DCAF8L2: variants seen among roughly 807,000 people sequenced by gnomAD.
DCAF8L2 encodes DDB1 and CUL4 associated factor 8 like 2, also known as DDB1- and CUL4-associated factor 8-like protein 2.
For missense variants in DCAF8L2, 430 were observed against 490.7 expected (o/e 0.88, Z 1.17); for synonymous variants, 200 against 190.9 (o/e 1.05, Z -0.39).
intron 1 of DCAF8L2, among the ~76,000 whole-genome samples, chrX:27,616,494 A>T (rs1288063603): frequency 8.9e-6 from 1 of 111,832 alleles, no homozygotes; most frequent in Non-Finnish European, 1.9e-5. Flanking sequence ...CTCCAGTTAT[A>T]TTCAAAAAAG....
chrX:27,587,985 A>AAAAAAATATATATAT, upstream of DCAF8L2, among the ~76,000 whole-genome samples: 74 of 22,314 alleles, frequency 3.3e-3, no homozygotes, highest in African/African-American at 6.9e-3. Context: ...TAAAAAAAAA[A>AAAAAAATATATATAT]ATATATATAT....
At chrX:27,722,937 G>T (rs1284663720) in intron 4 of DCAF8L2, among the ~76,000 whole-genome samples, 1 of 110,601 alleles carries the variant, frequency 9.0e-6, no homozygotes, top group Admixed American at 9.7e-5. Flanking sequence ...AAGTTATTGG[G>T]TTATAAAATT....
chrX:27,671,677 A>G (rs1929958647), intron 2 of DCAF8L2, among the ~76,000 whole-genome samples: 1 of 111,934 alleles, frequency 8.9e-6, no homozygotes, highest in African/African-American at 3.2e-5. Context: ...GACAGAAGAA[A>G]TCCAAGACCC....
the DCAF8L2 span, among the ~76,000 whole-genome samples, chrX:27,559,200 G>A: frequency 1.8e-5 from 2 of 111,282 alleles, no homozygotes; most frequent in African/African-American, 6.5e-5. Flanking sequence ...GTTCTTTATA[G>A]CATTGCGAAA....
At chrX:27,539,757 T>C in the DCAF8L2 span, among the ~76,000 whole-genome samples, 1 of 110,846 alleles carries the variant, frequency 9.0e-6, no homozygotes, top group African/African-American at 3.3e-5. Context: ...AACAAATTCT[T>C]CTTTGTTAAG....
At chrX:27,594,649 G>A (rs1354798981) in intron 1 of DCAF8L2, among the ~76,000 whole-genome samples, 1 of 111,396 alleles carries the variant, frequency 9.0e-6, no homozygotes, top group Admixed American at 9.5e-5. Flanking sequence ...CTAAGTACCA[G>A]TTACTGTTAA....
the DCAF8L2 span, among the ~76,000 whole-genome samples, chrX:27,555,895 C>G: frequency 3.6e-5 from 4 of 111,317 alleles, no homozygotes; most frequent in Middle Eastern, 4.6e-3. Context: ...ACTAACATCA[C>G]GTGCTTGAAT....
chrX:27,650,417 T>C (rs1929104641), intron 2 of DCAF8L2, among the ~76,000 whole-genome samples: 2 of 112,443 alleles, frequency 1.8e-5, no homozygotes, highest in South Asian at 7.3e-4. Flanking sequence ...TATTGATTCT[T>C]CTAATTCATG....
chrX:27,655,443 T>A (rs1427605288), intron 2 of DCAF8L2, among the ~76,000 whole-genome samples: 1 of 112,308 alleles, frequency 8.9e-6, no homozygotes, highest in Non-Finnish European at 1.9e-5. Context: ...CTCATTTGCA[T>A]ATTCATAATA....
the DCAF8L2 span, among the ~76,000 whole-genome samples, chrX:27,583,305 T>C: frequency 8.9e-5 from 10 of 111,960 alleles, no homozygotes; most frequent in African/African-American, 3.2e-4. Context: ...TTGTTCATTT[T>C]GTTACTTCAT....
the DCAF8L2 span, among the ~76,000 whole-genome samples, chrX:27,578,848 A>G: frequency 6.4e-5 from 7 of 110,043 alleles, no homozygotes; most frequent in Non-Finnish European, 1.9e-5. Context: ...CAAAACCACA[A>G]TGAGATACCA....
the DCAF8L2 span, among the ~76,000 whole-genome samples, chrX:27,521,586 AC>A: frequency 3.6e-5 from 4 of 112,281 alleles, no homozygotes; most frequent in African/African-American, 1.3e-4. Context: ...TTAGTTAAAG[AC>A]TGATGTTTTG....
chrX:27,666,313 T>C (rs770448525), intron 2 of DCAF8L2, among the ~76,000 whole-genome samples: 2 of 111,520 alleles, frequency 1.8e-5, no homozygotes, highest in Non-Finnish European at 3.8e-5. Context: ...TCAGAGAAAA[T>C]TGGGAGGTTT....
chrX:27,515,936 A>G, the DCAF8L2 span, among the ~76,000 whole-genome samples: 6 of 112,158 alleles, frequency 5.3e-5, no homozygotes, highest in African/African-American at 1.9e-4. Flanking sequence ...TTGTCCTACA[A>G]AGTTCAAAAA....
chrX:27,535,183 T>A, the DCAF8L2 span, among the ~76,000 whole-genome samples: 1 of 111,958 alleles, frequency 8.9e-6, no homozygotes, highest in Non-Finnish European at 1.9e-5. Context: ...ATATTTTTAA[T>A]TGGCAAATCA....
At chrX:27,678,449 T>A (rs1930214052) in intron 3 of DCAF8L2, among the ~76,000 whole-genome samples, 1 of 111,773 alleles carries the variant, frequency 8.9e-6, no homozygotes, top group Non-Finnish European at 1.9e-5. Context: ...TATCAACAGA[T>A]AAATGGATAA....
chrX:27,491,467 C>T, the DCAF8L2 span, among the ~76,000 whole-genome samples: 1 of 112,194 alleles, frequency 8.9e-6, no homozygotes, highest in African/African-American at 3.2e-5. Context: ...GTACCATGCT[C>T]TGTAAATGAG....
At chrX:27,513,578 G>A in the DCAF8L2 span, among the ~76,000 whole-genome samples, 111 of 109,116 alleles carry the variant, frequency 1.0e-3, 1 homozygote, top group East Asian at 9.3e-3. Flanking sequence ...GGTGGCGTGC[G>A]CCTGTAGTTC....
At chrX:27,540,653 A>G in the DCAF8L2 span, among the ~76,000 whole-genome samples, 2 of 111,689 alleles carry the variant, frequency 1.8e-5, no homozygotes, top group South Asian at 3.8e-4. Context: ...CTAGTGTTCT[A>G]TATCACTATA....
Sources: gnomAD v4.1 joint callset for allele counts (sites outside exome capture counted in the v4.1 genomes callset) on GRCh38, gnomAD v4.1.1 for gene constraint, MANE v1.5 for transcripts, NCBI Gene and HGNC (gene_info 2026-07-23, HGNC 2026-07-21) for gene names.